LRP1B: variants seen among roughly 807,000 people sequenced by gnomAD.
The protein encoded by LRP1B is low-density lipoprotein receptor-related protein 1B.
In LRP1B, 217 loss-of-function variants were observed where a neutral mutation model predicts 556.6. That is an observed-to-expected ratio of 0.39 (90% CI 0.35 to 0.44). The LOEUF (loss-of-function observed/expected upper bound fraction) is 0.44. Among genes scored for constraint, LRP1B ranks in the 20% least tolerant of loss-of-function variants. The pLI is 1.00. For synonymous variants in LRP1B, 2,047 were observed against 1,865.8 expected (o/e 1.10, Z -2.50); for missense variants, 5,053 against 5,620.8 (o/e 0.90, Z 3.23).
chr2:141,968,637 C>A (rs1701632208), intron 1 of LRP1B, among the ~76,000 whole-genome samples: 1 of 151,682 alleles, frequency 6.6e-6, no homozygotes, highest in Non-Finnish European at 1.5e-5. Flanking sequence ...TAGAAATATT[C>A]TAAGTGAAAG....
intron 14 of LRP1B, among the ~76,000 whole-genome samples, chr2:141,011,563 G>A (rs1375172952): frequency 6.6e-6 from 1 of 152,032 alleles, no homozygotes; most frequent in Non-Finnish European, 1.5e-5. Context: ...GCTACATGAA[G>A]AAGTGGTAGA....
chr2:141,997,012 G>A (rs1402614635), intron 1 of LRP1B, among the ~76,000 whole-genome samples: 5 of 152,236 alleles, frequency 3.3e-5, no homozygotes, highest in African/African-American at 1.2e-4. Context: ...GTGATGCCCA[G>A]AGCATCACTC....
intron 1 of LRP1B, among the ~76,000 whole-genome samples, chr2:141,869,215 T>C (rs776642820): frequency 2.0e-5 from 3 of 152,110 alleles, no homozygotes; most frequent in Non-Finnish European, 4.4e-5. Context: ...CCACAAGTCA[T>C]GTGTAGCTAT....
At position 140,851,662 on chromosome 2, in the gene LRP1B, C is replaced by G. The variant is rs1692461021; in HGVS notation, c.4701G>C (p.Lys1567Asn). 2 of 1,609,216 alleles carry G rather than the reference C, an allele frequency of 1.2e-6. No homozygotes were observed. Among genetic ancestry groups the G allele is most frequent in the African/African-American group, 2.7e-5 (2 of 74,670 alleles). Residue 1567 changes from lysine to asparagine, a missense_variant, in exon 28 of 91, where the codon AAG (lysine) becomes AAC (asparagine). By Grantham distance (94) the Lys-to-Asn change is moderately conservative. Transcript: ENST00000389484. ...PHLMKLSSDK[K>N]TCYEMKKFLL... ...CTGTAAGAAATTTACCATAGCAGGT[C>G]TTCTTGTCTGAAGAAAGCTTCATCA...
At chr2:140,262,068 TAAAAA>T (rs575434295) in intron 86 of LRP1B, among the ~76,000 whole-genome samples, 15 of 150,866 alleles carry the variant, frequency 9.9e-5, no homozygotes, top group African/African-American at 3.4e-4. Flanking sequence ...GAATTACTAT[TAAAAA>T]AAAAGATCAG....
intron 1 of LRP1B, among the ~76,000 whole-genome samples, chr2:141,981,721 T>C (rs552654043): frequency 9.2e-5 from 14 of 152,284 alleles, no homozygotes; most frequent in Non-Finnish European, 1.9e-4. Flanking sequence ...AGTGGCTTCT[T>C]GGCCAAAATC....
intron 43 of LRP1B, among the ~76,000 whole-genome samples, chr2:140,596,006 C>T (rs987543691): frequency 6.6e-6 from 1 of 151,974 alleles, no homozygotes; most frequent in African/African-American, 2.4e-5. Context: ...CTTCCCCTTC[C>T]CTGATTGCAC....
At chr2:141,359,751 G>A (rs1688751528) in intron 3 of LRP1B, among the ~76,000 whole-genome samples, 2 of 142,392 alleles carry the variant, frequency 1.4e-5, no homozygotes, top group Admixed American at 7.1e-5. Context: ...GTGAGAATTC[G>A]GCCCCCGCGC....
At chr2:141,421,367 A>C (rs1265677024) in intron 3 of LRP1B, among the ~76,000 whole-genome samples, 2 of 151,840 alleles carry the variant, frequency 1.3e-5, no homozygotes. Context: ...TCTCTACTAA[A>C]AATACAAAAA....
At position 140,322,013 on chromosome 2, in the gene LRP1B, G is replaced by A. The variant is rs1573787504; in HGVS notation, c.12590C>T (p.Pro4197Leu). The change falls in exon 82 of 91, where the codon CCA (proline) becomes CTA (leucine). Residue 4197 changes from proline to leucine, a missense_variant. Coordinates refer to ENST00000389484, the MANE Select transcript of LRP1B (RefSeq NM_018557.3). The part of the protein sequence containing the change: ...LNPSGATCVC[P>L]EGKYLINGTC... The stretch of plus-strand genomic sequence containing the variant: ...GCCATTAATCAAATATTTTCCTTCT[G>A]GACACACACAAGTGGCCCCAGAAGG... The A allele has an allele frequency of 6.2e-7, 1 of 1,612,880 alleles. No individual in the cohort carries two copies. The highest frequency in any genetic ancestry group is 8.5e-7 in the Non-Finnish European group (1 of 1,179,364).
chr2:141,169,800 CAAAAAAAA>C (rs574461113), intron 7 of LRP1B, among the ~76,000 whole-genome samples: 1 of 87,392 alleles, frequency 1.1e-5, no homozygotes, highest in African/African-American at 4.1e-5. Flanking sequence ...ACACCTTAAC[CAAAAAAAA>C]AAAAAAAAAA....
At chr2:142,108,951 A>C (rs1412847258) in intron 1 of LRP1B, among the ~76,000 whole-genome samples, 1 of 152,160 alleles carries the variant, frequency 6.6e-6, no homozygotes, top group Admixed American at 6.5e-5. Flanking sequence ...AGGTCACTAA[A>C]GTCAGATCAC....
At chr2:141,575,974 C>A (rs1686726579) in intron 2 of LRP1B, among the ~76,000 whole-genome samples, 1 of 152,104 alleles carries the variant, frequency 6.6e-6, no homozygotes, top group African/African-American at 2.4e-5. Flanking sequence ...AATAGGAATG[C>A]TTTTACACTG....
At chr2:140,361,248 T>C (rs1682487275) in intron 72 of LRP1B, among the ~76,000 whole-genome samples, 1 of 147,242 alleles carries the variant, frequency 6.8e-6, no homozygotes, top group Admixed American at 6.9e-5. Flanking sequence ...TCCCAATATC[T>C]GCATCTGGGA....
intron 77 of LRP1B, among the ~76,000 whole-genome samples, chr2:140,344,342 A>C (rs1289621070): frequency 6.6e-6 from 1 of 151,872 alleles, no homozygotes. Flanking sequence ...AGGTGCCTTC[A>C]GCAAAGCTAA....
chr2:140,757,474 A>G (rs892792101), intron 35 of LRP1B, among the ~76,000 whole-genome samples: 2 of 152,236 alleles, frequency 1.3e-5, no homozygotes, highest in Non-Finnish European at 2.9e-5. Flanking sequence ...GCAATGAAGT[A>G]CTGATATATG....
At chr2:141,091,032 G>C (rs1700159153) in intron 7 of LRP1B, among the ~76,000 whole-genome samples, 1 of 152,138 alleles carries the variant, frequency 6.6e-6, no homozygotes, top group East Asian at 1.9e-4. Context: ...ATGTCTGGAG[G>C]ACAGTAGTTA....
chr2:141,263,329 G>T (rs1354027081), intron 3 of LRP1B, among the ~76,000 whole-genome samples: 2 of 151,952 alleles, frequency 1.3e-5, no homozygotes, highest in Admixed American at 6.6e-5. Context: ...GGCAGCAGAA[G>T]ATATCACTAC....
In LRP1B at chr2:140,346,782, A is replaced by G. The variant is rs529317684; in HGVS notation, c.11892+4015T>C. 2.0e-5 allele frequency among the ~76,000 whole-genome samples: 3 copies of G among 152,078 alleles called. No homozygotes were observed. The South Asian group carries it at 6.2e-4, about 32-fold the overall frequency. ...TATGAGGTTTATAAATAGAACTTCA[A>G]TTAAAAATTGAGACCTATTAAGAGT... On this transcript the variant is annotated intron_variant, in intron 77 of 90. Transcript: ENST00000389484.
Sources: allele counts gnomAD v4.1 joint callset (sites outside exome capture counted in the v4.1 genomes callset), GRCh38; gene constraint gnomAD v4.1.1; transcripts MANE v1.5; gene names NCBI Gene and HGNC (gene_info 2026-07-23, HGNC 2026-07-21).